The following LDLRAD3 variants were observed in gnomAD, a reference collection of about 807,000 sequenced individuals.
LDLRAD3 encodes low-density lipoprotein receptor class A domain-containing protein 3.
LDLRAD3 carries 20 observed loss-of-function variants against 29.4 expected under a neutral mutation model. The ratio of observed to expected loss-of-function variants is 0.68; its 90% CI spans 0.48 to 0.99. LDLRAD3 has a LOEUF of 0.99. LDLRAD3 is among the 50% of genes least tolerant of loss of function. LDLRAD3 has a pLI of 0.00. For missense variants in LDLRAD3, 420 were observed against 454.3 expected (o/e 0.92, Z 0.69); for synonymous variants, 157 against 192.7 (o/e 0.81, Z 1.53).
intron 4 of LDLRAD3, among the ~76,000 whole-genome samples, chr11:36,177,282 G>A (rs1238466464): frequency 6.6e-6 from 1 of 152,060 alleles, no homozygotes; most frequent in Admixed American, 6.5e-5. Context: ...TCCATGAGTA[G>A]CTAAACAATT....
At chr11:36,121,993 C>A (rs1853765977) in intron 4 of LDLRAD3, among the ~76,000 whole-genome samples, 1 of 152,114 alleles carries the variant, frequency 6.6e-6, no homozygotes, top group Admixed American at 6.5e-5. Context: ...ATCACAATCC[C>A]CATTTTACAG....
At chr11:36,052,770 T>C (rs1053569558) in intron 2 of LDLRAD3, among the ~76,000 whole-genome samples, 2 of 152,192 alleles carry the variant, frequency 1.3e-5, no homozygotes, top group Admixed American at 6.5e-5. Context: ...TCTTAGTTGT[T>C]GAAAAGAATT....
intron 2 of LDLRAD3, 111 bp from the exon 3 acceptor site, chr11:36,081,542 T>C (rs1590251716): frequency 7.1e-7 from 1 of 1,410,364 alleles, no homozygotes; most frequent in African/African-American, 1.4e-5. Context: ...CTTCAAGGAC[T>C]TTAAGATGAA....
intron 1 of LDLRAD3, among the ~76,000 whole-genome samples, chr11:35,953,076 C>T (rs981848989): frequency 1.2e-4 from 19 of 152,176 alleles, no homozygotes; most frequent in Non-Finnish European, 2.8e-4. Context: ...GGATTTTAAA[C>T]TTACTCCCAA....
chr11:36,170,068 G>A (rs1173249540), intron 4 of LDLRAD3, among the ~76,000 whole-genome samples: 3 of 151,522 alleles, frequency 2.0e-5, no homozygotes, highest in Non-Finnish European at 2.9e-5. Context: ...TCATTCTCAC[G>A]CCTTTGCCTC....
chr11:36,191,340 C>A (rs1417069159), intron 4 of LDLRAD3, among the ~76,000 whole-genome samples: 2 of 151,960 alleles, frequency 1.3e-5, no homozygotes, highest in Non-Finnish European at 2.9e-5. Context: ...GAATACAAGA[C>A]CAGCCTGAAC....
intron 2 of LDLRAD3, among the ~76,000 whole-genome samples, chr11:36,079,152 A>ATGGCAGC (rs1853069752): frequency 6.6e-6 from 1 of 152,204 alleles, no homozygotes; most frequent in Non-Finnish European, 1.5e-5. Flanking sequence ...AGCTGGTGTG[A>ATGGCAGC]TGGCAGCGGC....
At chr11:36,039,038 C>T (rs1852345088) in intron 2 of LDLRAD3, among the ~76,000 whole-genome samples, 1 of 150,120 alleles carries the variant, frequency 6.7e-6, no homozygotes, top group Admixed American at 6.6e-5. Flanking sequence ...GGCGTGATCT[C>T]GGCTCACTGT....
chr11:35,963,290 C>G (rs1017666694), intron 1 of LDLRAD3, among the ~76,000 whole-genome samples: 6 of 151,910 alleles, frequency 3.9e-5, no homozygotes, highest in African/African-American at 1.5e-4. Flanking sequence ...GTGTTCCTTC[C>G]TTAGGAAATG....
rs558834417 is a variant in LDLRAD3, at chr11:36,023,776, G to T, written c.47-12327G>T. On this transcript the variant is annotated intron_variant, in intron 1 of 5. Transcript: ENST00000315571. ...GGAAACTGAGGCTCAGGGAAGTGAAGCAACTCCCCCAAAGCCCAGTGGTGA... is the reference window on the plus strand; with the variant it reads ...GGAAACTGAGGCTCAGGGAAGTGAATCAACTCCCCCAAAGCCCAGTGGTGA... Among the ~76,000 whole-genome samples, 16 of 152,276 alleles carry T rather than the reference G, an allele frequency of 1.1e-4. No homozygotes were observed. In the South Asian group the frequency reaches 3.3e-3, roughly 32 times the overall value.
At chr11:36,034,892 G>T (rs1293435218) in intron 1 of LDLRAD3, among the ~76,000 whole-genome samples, 2 of 152,216 alleles carry the variant, frequency 1.3e-5, no homozygotes, top group African/African-American at 2.4e-5. Context: ...TGGCCTGTAG[G>T]AGGATATGAT....
intron 1 of LDLRAD3, among the ~76,000 whole-genome samples, chr11:36,024,420 G>T (rs1852137846): frequency 6.6e-6 from 1 of 152,182 alleles, no homozygotes; most frequent in African/African-American, 2.4e-5. Context: ...TGCCAGGGAT[G>T]TGGGGTTTCC....
chr11:36,170,826 G>A (rs554019085), intron 4 of LDLRAD3, among the ~76,000 whole-genome samples: 4 of 147,618 alleles, frequency 2.7e-5, no homozygotes, highest in African/African-American at 5.0e-5. Context: ...TTTTTGAGAC[G>A]GAGTCTCCCT....
intron 4 of LDLRAD3, among the ~76,000 whole-genome samples, chr11:36,195,481 T>G (rs1855018970): frequency 6.6e-6 from 1 of 152,242 alleles, no homozygotes; most frequent in Non-Finnish European, 1.5e-5. Context: ...TCTCTGTTGT[T>G]GGCCCCTGAA....
intron 4 of LDLRAD3, among the ~76,000 whole-genome samples, chr11:36,121,626 C>T (rs1452048137): frequency 6.6e-6 from 1 of 152,202 alleles, no homozygotes; most frequent in Admixed American, 6.5e-5. Flanking sequence ...GAAGTAGTAT[C>T]GCAAAAGAGA....
intron 4 of LDLRAD3, among the ~76,000 whole-genome samples, chr11:36,203,069 T>A (rs1264250594): frequency 1.3e-5 from 2 of 152,066 alleles, no homozygotes; most frequent in African/African-American, 4.8e-5. Flanking sequence ...CCTGAGTAGC[T>A]AGGTTTACAG....
intron 4 of LDLRAD3, among the ~76,000 whole-genome samples, chr11:36,164,104 T>C (rs1854482057): frequency 6.6e-6 from 1 of 152,166 alleles, no homozygotes; most frequent in South Asian, 2.1e-4. Context: ...CTGCCCTGGG[T>C]GATCCTCTAG....
chr11:36,003,861 A>G (rs1851853437), intron 1 of LDLRAD3, among the ~76,000 whole-genome samples: 1 of 152,194 alleles, frequency 6.6e-6, no homozygotes, highest in African/African-American at 2.4e-5. Flanking sequence ...GCGAAGGGGA[A>G]GCAAGCACCT....
chr11:36,191,535 C>CCTCT (rs1489463819), intron 4 of LDLRAD3, among the ~76,000 whole-genome samples: 17 of 53,778 alleles, frequency 3.2e-4, no homozygotes, highest in Non-Finnish European at 2.9e-4. Flanking sequence ...AGAGCAAGAC[C>CCTCT]CTGTCTCTCT....
Sources: gnomAD v4.1 joint callset for allele counts (sites outside exome capture counted in the v4.1 genomes callset) on GRCh38, gnomAD v4.1.1 for gene constraint, MANE v1.5 for transcripts, NCBI Gene and HGNC (gene_info 2026-07-23, HGNC 2026-07-21) for gene names.